The following RERE variants were observed in gnomAD, a reference collection of about 807,000 sequenced individuals.
RERE encodes the protein arginine-glutamic acid dipeptide repeats, also known as arginine-glutamic acid dipeptide repeats protein.
A neutral mutation model predicts 146.1 loss-of-function variants in RERE; 40 were observed. That is an observed-to-expected ratio of 0.27 (90% CI 0.21 to 0.36). RERE has a LOEUF of 0.36. Ranked by LOEUF, RERE falls within the 10% of genes least tolerant of loss-of-function variation. The probability of loss-of-function intolerance (pLI) is 1.00; values close to 1 mark genes in which losing one functional copy is unlikely to be tolerated. For synonymous variants in RERE, 1,003 were observed against 866.0 expected (o/e 1.16, Z -2.78); for missense variants, 1,933 against 2,138.7 (o/e 0.90, Z 1.90).
intron 10 of RERE, among the ~76,000 whole-genome samples, chr1:8,466,576 GTTCT>G (rs1457809505): frequency 6.6e-6 from 1 of 152,068 alleles, no homozygotes; most frequent in Non-Finnish European, 1.5e-5. Context: ...ACTAGATTAT[GTTCT>G]TTCTTTTTAG....
chr1:8,363,429 G>C (rs1298964228), intron 15 of RERE, among the ~76,000 whole-genome samples: 1 of 152,166 alleles, frequency 6.6e-6, no homozygotes, highest in African/African-American at 2.4e-5. Context: ...AGTGAGCGGG[G>C]GCCGGGCTGC....
At chr1:8,658,566 G>A (rs1638379879) in intron 1 of RERE, among the ~76,000 whole-genome samples, 1 of 152,010 alleles carries the variant, frequency 6.6e-6, no homozygotes, top group Non-Finnish European at 1.5e-5. Context: ...GACCATCCTG[G>A]CTAACACGGT....
chr1:8,667,987 G>A (rs1006361123), intron 1 of RERE, among the ~76,000 whole-genome samples: 1 of 152,216 alleles, frequency 6.6e-6, no homozygotes, highest in African/African-American at 2.4e-5. Context: ...GCAACCCACT[G>A]CTCCAGTGAG....
At chr1:8,581,824 A>G (rs554090310) in intron 4 of RERE, among the ~76,000 whole-genome samples, 9 of 152,204 alleles carry the variant, frequency 5.9e-5, no homozygotes, top group Non-Finnish European at 1.2e-4. Flanking sequence ...TATTACCAAT[A>G]TTGGAAAGCA....
chr1:8,656,244 G>A lies in RERE; in HGVS notation c.54C>T (p.Asp18=). ...CTCTTTTCTCTCTCTCTCGGTCCCG[G>A]TCTCGGTCCCGGTCCTTCTCTTTGT... ...DKDKEKDRDR[D]RDREREKRDK... is the part of the protein sequence containing the mutation. Residue 18 remains aspartate (D), a synonymous_variant, in exon 2 of 23, where the codon GAC becomes GAT. Transcript: ENST00000400908. 1.2e-6 allele frequency: 2 copies of A among 1,612,256 alleles called. No homozygotes were observed. Among genetic ancestry groups the A allele is most frequent in the Non-Finnish European group, 1.7e-6 (2 of 1,178,686 alleles).
At chr1:8,398,332 T>G (rs1440679713) in intron 12 of RERE, among the ~76,000 whole-genome samples, 2 of 152,210 alleles carry the variant, frequency 1.3e-5, no homozygotes, top group African/African-American at 4.8e-5. Context: ...GCAAGGGGGT[T>G]AGTACTGAGT....
chr1:8,691,608 C>T (rs1484817310), intron 1 of RERE, among the ~76,000 whole-genome samples: 1 of 152,124 alleles, frequency 6.6e-6, no homozygotes, highest in Admixed American at 6.5e-5. Context: ...AATTTATGTA[C>T]TCAAACAGTC....
chr1:8,551,787 G>C (rs1012205680), intron 6 of RERE, among the ~76,000 whole-genome samples: 1 of 152,132 alleles, frequency 6.6e-6, no homozygotes, highest in Non-Finnish European at 1.5e-5. Flanking sequence ...GTTTGTCAAA[G>C]GTTAGCTCAA....
At chr1:8,804,508 A>G (rs1287401414) in intron 1 of RERE, among the ~76,000 whole-genome samples, 2 of 152,208 alleles carry the variant, frequency 1.3e-5, no homozygotes, top group African/African-American at 4.8e-5. Context: ...CTCCAGAGTA[A>G]GAGAACCCCT....
intron 3 of RERE, among the ~76,000 whole-genome samples, chr1:8,620,735 T>A (rs1199051108): frequency 1.3e-5 from 2 of 151,748 alleles, no homozygotes; most frequent in Non-Finnish European, 2.9e-5. Flanking sequence ...AATACTTCTT[T>A]CTCCTGCTTC....
chr1:8,422,112 G>A (rs1643918457), intron 12 of RERE, among the ~76,000 whole-genome samples: 1 of 152,162 alleles, frequency 6.6e-6, no homozygotes, highest in Admixed American at 6.5e-5. Flanking sequence ...CGTTTATCGG[G>A]CACATTTGTC....
At position 8,365,904 on chromosome 1, in the gene RERE, C is replaced by T. The variant is rs1419421239; in HGVS notation, c.1355G>A (p.Arg452Lys). ...PEAASSRAHR[R>K]HRRQAVFRRI... ...CCTGAACACGGCCTGCCTGCGGTGCCTACGATGGGCTCGGGAGCTGGCTGC... is the reference window on the plus strand; with the variant it reads ...CCTGAACACGGCCTGCCTGCGGTGCTTACGATGGGCTCGGGAGCTGGCTGC... The change falls in exon 13 of 23, where the codon AGG (arginine) becomes AAG (lysine). Residue 452 changes from arginine to lysine, a missense_variant. By Grantham distance (26) the Arg-to-Lys change is conservative. Around this residue, in one of 11 missense-constraint regions of RERE, gnomAD observed 260 missense variants for 378.4 expected, o/e 0.69. Coordinates refer to ENST00000400908, the MANE Select transcript of RERE (RefSeq NM_001042681.2). 6.2e-7 allele frequency: 1 copy of T among 1,614,074 alleles called. No homozygotes were observed. The highest frequency in any genetic ancestry group is 1.3e-5 in the African/African-American group (1 of 74,944).
chr1:8,798,722 T>C (rs1284487), intron 1 of RERE: 149,217 of 151,944 alleles, frequency 0.98, 73,283 homozygotes, highest in Middle Eastern at 1. Flanking sequence ...GGTGGAGTCT[T>C]GCTCTGTCAC....
chr1:8,658,025 C>T (rs1266547113), intron 1 of RERE, among the ~76,000 whole-genome samples: 1 of 152,230 alleles, frequency 6.6e-6, no homozygotes, highest in South Asian at 2.1e-4. Flanking sequence ...GGTTTTTAAG[C>T]GTCTGCAATG....
rs114085491 is a variant in RERE at position 8,593,793 on chromosome 1, G to A, written c.522+20768C>T. 3.1e-3 allele frequency among the ~76,000 whole-genome samples: 465 copies of A among 152,266 alleles called. 1 individual carries two copies. Among genetic ancestry groups the A allele is most frequent in the Non-Finnish European group, 5.0e-3 (343 of 68,014 alleles). On this transcript the variant is annotated intron_variant, in intron 4 of 22. Coordinates refer to ENST00000400908, the MANE Select transcript of RERE (RefSeq NM_001042681.2). ...ACTGGTAGCAAACAGTCCTATTGGT[G>A]AGCCACCATTTGAATAGCACTGGTC...
intron 7 of RERE, among the ~76,000 whole-genome samples, chr1:8,510,624 C>T (rs1382334651): frequency 6.6e-6 from 1 of 152,238 alleles, no homozygotes; most frequent in Non-Finnish European, 1.5e-5. Flanking sequence ...GTCAGCGTTA[C>T]CACTATTTCC....
In RERE at chr1:8,714,874, T is replaced by G. The variant is rs544074698; in HGVS notation, c.-144-58433A>C. Among the ~76,000 whole-genome samples the G allele has an allele frequency of 9.2e-5, 14 of 152,164 alleles. 1 individual carries two copies. In the South Asian group the frequency reaches 2.9e-3, roughly 32 times the overall value. ...TTGTACAAGAAATGTAATTCAATCA[T>G]ACCACAATTTTTTTTTTTAAGACGG... On this transcript the variant is annotated intron_variant, in intron 1 of 22. Transcript: ENST00000400908.
At chr1:8,738,056 G>C (rs1289407806) in intron 1 of RERE, among the ~76,000 whole-genome samples, 1 of 152,068 alleles carries the variant, frequency 6.6e-6, no homozygotes, top group Non-Finnish European at 1.5e-5. Context: ...CCTAAGTCAA[G>C]AGGCAAACCA....
chr1:8,374,745 C>G (rs1355362905), intron 12 of RERE, among the ~76,000 whole-genome samples: 2 of 152,216 alleles, frequency 1.3e-5, no homozygotes, highest in African/African-American at 4.8e-5. Context: ...TACCGGAAGA[C>G]TTTTCTACCA....
Sources: gnomAD v4.1 joint callset for allele counts (sites outside exome capture counted in the v4.1 genomes callset) on GRCh38, gnomAD v4.1.1 for gene constraint, gnomAD v4.1.1 regional missense constraint, MANE v1.5 for transcripts, NCBI Gene and HGNC (gene_info 2026-07-23, HGNC 2026-07-21) for gene names.